Variants in GAS7 observed in about 807,000 individuals in gnomAD.
GAS7 encodes growth arrest specific 7.
GAS7 carries 28 observed loss-of-function variants against 71.1 expected under a neutral mutation model. That is an observed-to-expected ratio of 0.39 (90% confidence interval 0.29 to 0.54). The LOEUF is 0.54. GAS7 is among the 20% of genes least tolerant of loss of function. GAS7 has a pLI of 0.62. For synonymous variants in GAS7, 258 were observed against 245.8 expected, an observed-to-expected ratio of 1.05 and a Z score of -0.46; for missense variants, 436 against 627.8, an observed-to-expected ratio of 0.69 and a Z score of 3.27.
intron 1 of GAS7, among the ~76,000 whole-genome samples, chr17:10,094,228 C>T (rs2073618049): frequency 6.6e-6 from 1 of 152,218 alleles, no homozygotes; most frequent in Admixed American, 6.5e-5. Context: ...AGCAGCTGTG[C>T]CCTGTGTGGT....
intron 1 of GAS7, among the ~76,000 whole-genome samples, chr17:10,075,841 G>A (rs2073384748): frequency 6.6e-6 from 1 of 150,626 alleles, no homozygotes; most frequent in African/African-American, 2.4e-5. Flanking sequence ...GTTCCTTCCT[G>A]TAATCCCAGC....
Position 9,912,115 on chromosome 17 carries a change from A to G in GAS7, c.*5113T>C. 1 of 232,258 alleles carries G rather than the reference A, an allele frequency of 4.3e-6. No homozygotes were observed. 14.4% of individuals were successfully genotyped at this position (232,258 alleles called of 1,614,324 possible). On this transcript the variant is annotated 3_prime_UTR_variant, in exon 14 of 14. Coordinates refer to ENST00000432992, the MANE Select transcript of GAS7 (RefSeq NM_201433.2). ...ATCGACGAATGAGATCCAAACGGTC[A>G]TTACTTGCACTGTCTTTGGGGGGTC...
intron 2 of GAS7, among the ~76,000 whole-genome samples, chr17:9,982,853 G>GC (rs1555611376): frequency 2.7e-5 from 4 of 150,142 alleles, no homozygotes; most frequent in Admixed American, 2.6e-4. Context: ...AAGAAAGAAA[G>GC]AAAGAAAGAA....
chr17:9,914,550 GCAAA>G lies in GAS7; in HGVS notation c.*2674_*2677del, dbSNP rs1379185325. The G allele has an allele frequency of 5.1e-6, 1 of 195,560 alleles. No homozygotes were observed. Among genetic ancestry groups the G allele is most frequent in the Non-Finnish European group, 1.1e-5 (1 of 94,216 alleles). The allele number at this position is 195,560 out of a possible 1,614,324, so 12.1% of individuals were successfully genotyped here. A position where few individuals can be genotyped will look rare whatever the true frequency, so the allele number is the denominator to read the frequency against. ...CCTTATTTGTAAAGAGTTATTTAAA[GCAAA>G]CAGAGAAATTTCTGAAATTCGAATT... On this transcript the variant is annotated 3_prime_UTR_variant, in exon 14 of 14. Coordinates refer to ENST00000432992, the MANE Select transcript of GAS7 (RefSeq NM_201433.2).
chr17:10,154,090 T>A (rs1181345340), intron 1 of GAS7, among the ~76,000 whole-genome samples: 1 of 152,094 alleles, frequency 6.6e-6, no homozygotes, highest in Admixed American at 6.5e-5. Context: ...AGAGAAAAGA[T>A]AGAAAGGAAA....
At chr17:10,124,676 G>A (rs570951916) in intron 1 of GAS7, among the ~76,000 whole-genome samples, 15 of 152,200 alleles carry the variant, frequency 9.9e-5, no homozygotes, top group African/African-American at 2.9e-4. Context: ...AGCAGTTTGG[G>A]GGGGAGCTGA....
chr17:9,915,479 T>C lies in GAS7; in HGVS notation c.*1749A>G, dbSNP rs533373206. The C allele has an allele frequency of 1.6e-4, 36 of 229,290 alleles. No individual in the cohort carries two copies. In the Admixed American group the frequency reaches 1.6e-3, roughly 10 times the overall value. The allele number at this position is 229,290 out of a possible 1,614,324, so 14.2% of individuals were successfully genotyped here. ...CAGATCCTACCAGGAGGTCTTCACG[T>C]AGGTGAAGGCCTTTGTGCTGACCTT... On this transcript the variant is annotated 3_prime_UTR_variant, in exon 14 of 14. Transcript: ENST00000432992.
chr17:10,124,327 T>C (rs1428534440), intron 1 of GAS7, among the ~76,000 whole-genome samples: 2 of 152,060 alleles, frequency 1.3e-5, no homozygotes, highest in Non-Finnish European at 2.9e-5. Context: ...AAACACACAC[T>C]CACTCCCTGG....
chr17:10,151,489 A>G (rs1046680732), intron 1 of GAS7, among the ~76,000 whole-genome samples: 1 of 152,202 alleles, frequency 6.6e-6, no homozygotes, highest in South Asian at 2.1e-4. Flanking sequence ...ACGTCATTTA[A>G]TGACAGCATT....
intron 1 of GAS7, among the ~76,000 whole-genome samples, chr17:10,047,542 G>C (rs575582990): frequency 6.6e-6 from 1 of 152,240 alleles, no homozygotes; most frequent in African/African-American, 2.4e-5. Flanking sequence ...GCAAAAGCAG[G>C]GTGAGGAAAC....
chr17:10,122,597 C>T (rs2073913807), intron 1 of GAS7, among the ~76,000 whole-genome samples: 1 of 152,144 alleles, frequency 6.6e-6, no homozygotes, highest in South Asian at 2.1e-4. Flanking sequence ...GGGTTGAAAG[C>T]CTACCCCCAC....
chr17:10,004,688 A>G (rs1567878410), intron 2 of GAS7, among the ~76,000 whole-genome samples: 1 of 152,106 alleles, frequency 6.6e-6, no homozygotes, highest in Admixed American at 6.5e-5. Context: ...GGTCCCCTTC[A>G]TAATCTCTCA....
At chr17:9,968,305 C>A (rs774675851) in intron 4 of GAS7, among the ~76,000 whole-genome samples, 114 of 152,294 alleles carry the variant, frequency 7.5e-4, no homozygotes, top group Non-Finnish European at 8.8e-5. Flanking sequence ...GACTGCTAGT[C>A]CACTGCTCAG....
intron 1 of GAS7, among the ~76,000 whole-genome samples, chr17:10,166,316 C>T (rs945586974): frequency 6.6e-6 from 1 of 152,204 alleles, no homozygotes; most frequent in Non-Finnish European, 1.5e-5. Flanking sequence ...AGTCACCACA[C>T]CAGGTGACTT....
intron 4 of GAS7, among the ~76,000 whole-genome samples, chr17:9,963,853 G>C (rs1360145653): frequency 6.6e-6 from 1 of 151,644 alleles, no homozygotes; most frequent in East Asian, 1.9e-4. Flanking sequence ...TTATCATTAT[G>C]TCTTCTTCCT....
intron 1 of GAS7, among the ~76,000 whole-genome samples, chr17:10,191,240 A>G (rs2074497020): frequency 6.6e-6 from 1 of 151,770 alleles, no homozygotes; most frequent in Non-Finnish European, 1.5e-5. Context: ...CCTGGGCCAC[A>G]TGTTCCACAA....
At chr17:10,066,798 TGGAGTCAGGG>T (rs957004093) in intron 1 of GAS7, among the ~76,000 whole-genome samples, 2 of 152,158 alleles carry the variant, frequency 1.3e-5, no homozygotes, top group African/African-American at 4.8e-5. Context: ...CACTGAATTT[TGGAGTCAGGG>T]GGAGCATTTC....
At chr17:10,155,133 G>A (rs533395364) in intron 1 of GAS7, among the ~76,000 whole-genome samples, 1 of 151,866 alleles carries the variant, frequency 6.6e-6, no homozygotes, top group South Asian at 2.1e-4. Flanking sequence ...TCCTGTCTCA[G>A]CCTCCCGAGT....
chr17:10,139,930 C>T (rs2074067254), intron 1 of GAS7, among the ~76,000 whole-genome samples: 1 of 152,208 alleles, frequency 6.6e-6, no homozygotes, highest in African/African-American at 2.4e-5. Flanking sequence ...GTCCATGACA[C>T]AGGGCCCCAG....
Sources: gnomAD v4.1 joint callset for allele counts (sites outside exome capture counted in the v4.1 genomes callset) on GRCh38, gnomAD v4.1.1 for gene constraint, MANE v1.5 for transcripts, NCBI Gene and HGNC (gene_info 2026-07-23, HGNC 2026-07-21) for gene names.